Variants in STX18 observed in about 807,000 individuals in gnomAD.
STX18 encodes syntaxin 18, also known as syntaxin-18.
In STX18, 40 loss-of-function variants were observed where a neutral mutation model predicts 50.1. That is an observed-to-expected ratio of 0.80 (90% confidence interval 0.62 to 1.04). The LOEUF (loss-of-function observed/expected upper bound fraction) is 1.04. Ranked by LOEUF, STX18 falls within the 50% of genes least tolerant of loss-of-function variation. The probability of loss-of-function intolerance (pLI) is 0.00; values close to 1 mark genes in which losing one functional copy is unlikely to be tolerated. For missense variants in STX18, 410 were observed against 415.8 expected, an observed-to-expected ratio of 0.99 and a Z score of 0.12; for synonymous variants, 158 against 151.8, an observed-to-expected ratio of 1.04 and a Z score of -0.30.
chr4:4,477,029 G>A (rs1325619196), intron 1 of STX18, among the ~76,000 whole-genome samples: 8 of 151,680 alleles, frequency 5.3e-5, no homozygotes, highest in South Asian at 2.1e-4. Context: ...GCGAAACCCC[G>A]TCTCTATTAA....
At chr4:4,503,663 T>C (rs917304867) in intron 1 of STX18, among the ~76,000 whole-genome samples, 1 of 151,962 alleles carries the variant, frequency 6.6e-6, no homozygotes, top group Admixed American at 6.5e-5. Context: ...ATTACTGAAA[T>C]AAAAATTTTA....
intron 7 of STX18, among the ~76,000 whole-genome samples, chr4:4,429,023 A>T (rs1725396237): frequency 6.6e-6 from 1 of 152,136 alleles, no homozygotes; most frequent in South Asian, 2.1e-4. Context: ...CCAAAACACA[A>T]TGCTTTCCTT....
At chr4:4,476,890 T>C (rs536323439) in intron 1 of STX18, among the ~76,000 whole-genome samples, 19 of 152,216 alleles carry the variant, frequency 1.2e-4, no homozygotes, top group African/African-American at 4.3e-4. Flanking sequence ...AAATTTTCCA[T>C]AATAACATGT....
chr4:4,432,781 G>A (rs151318839), intron 7 of STX18, among the ~76,000 whole-genome samples: 50 of 152,330 alleles, frequency 3.3e-4, no homozygotes, highest in African/African-American at 9.4e-4. Flanking sequence ...TTTGGTTTCC[G>A]TCTTTTATTT....
At chr4:4,438,791 A>C (rs1022836564) in intron 5 of STX18, among the ~76,000 whole-genome samples, 1 of 151,946 alleles carries the variant, frequency 6.6e-6, no homozygotes, top group Non-Finnish European at 1.5e-5. Context: ...TGTGCTGAAT[A>C]CGCTCCATAG....
rs547930857 is a variant in STX18 at position 4,466,606 on chromosome 4, G to A, written c.236+5033C>T. 3.9e-4 allele frequency among the ~76,000 whole-genome samples: 59 copies of A among 152,294 alleles called. 1 individual carries two copies. Among genetic ancestry groups the A allele is most frequent in the Admixed American group, 3.2e-3 (49 of 15,296 alleles). On this transcript the variant is annotated intron_variant, in intron 2 of 10. Transcript: ENST00000306200. ...AGGCTGCACTGAAGCACTCTAGAGC[G>A]GATGGGAGGAGCGGGCAGCATGCAT...
At chr4:4,434,068 C>G (rs1725654573) in intron 7 of STX18, among the ~76,000 whole-genome samples, 1 of 152,248 alleles carries the variant, frequency 6.6e-6, no homozygotes, top group Non-Finnish European at 1.5e-5. Context: ...ACTTAAAATG[C>G]TATCACTTGC....
Position 4,420,141 on chromosome 4 carries a change from C to A in STX18, c.913-12G>T. 5.0e-6 allele frequency: 8 copies of A among 1,601,964 alleles called. No individual in the cohort carries two copies. Among genetic ancestry groups the A allele is most frequent in the Non-Finnish European group, 6.8e-6 (8 of 1,174,364 alleles). The stretch of plus-strand genomic sequence containing the variant: ...TTGTTTTTAATGGCCTGGGCAGGGA[C>A]GGGAGCACAGGTGTTTTTATCACAC... On this transcript the variant is annotated splice_polypyrimidine_tract_variant and intron_variant, in intron 10 of 10. Transcript: ENST00000306200. The surrounding 1 kb of genome is among the most constrained non-coding windows in gnomAD (Gnocchi z 4.3).
At chr4:4,421,267 A>T (rs1724944482) in intron 9 of STX18, among the ~76,000 whole-genome samples, 1 of 152,026 alleles carries the variant, frequency 6.6e-6, no homozygotes, top group African/African-American at 2.4e-5. Flanking sequence ...CGGCTCAGAG[A>T]AGTTTACTAA....
rs372566368 is a variant in STX18 at position 4,527,867 on chromosome 4, C to CACATATATATATAT, written c.168+13929_168+13930insATATATATATATGT. Among the ~76,000 whole-genome samples the CACATATATATATAT allele has an allele frequency of 3.7e-3, 501 of 137,196 alleles. 4 individuals are homozygous for CACATATATATATAT. Among genetic ancestry groups the CACATATATATATAT allele is most frequent in the African/African-American group, 0.012 (469 of 37,860 alleles). The allele number at this position is 137,196 out of a possible 152,430, so 90.0% of individuals were successfully genotyped here. ...ATATATATATACACACACACACACACATATATATATATATTAAAAACTACC... is the reference window on the plus strand; with the variant it reads ...ATATATATATACACACACACACACACACATATATATATATATATATATATATATTAAAAACTACC... On this transcript the variant is annotated intron_variant, in intron 1 of 10. Coordinates refer to ENST00000306200, the MANE Select transcript of STX18 (RefSeq NM_016930.4).
Position 4,420,302 on chromosome 4 carries a change from G to A in STX18, c.913-173C>T. The A allele has an allele frequency of 3.4e-6, 2 of 593,656 alleles. No homozygotes were observed. The highest frequency in any genetic ancestry group is 4.1e-5 in the South Asian group (2 of 49,336). 36.8% of individuals were successfully genotyped at this position (593,656 alleles called of 1,614,324 possible). On this transcript the variant is annotated intron_variant, in intron 10 of 10. Coordinates refer to ENST00000306200, the MANE Select transcript of STX18 (RefSeq NM_016930.4). The surrounding 1 kb of genome is among the most constrained non-coding windows in gnomAD (Gnocchi z 4.3). ...TTTTGAGATCCACCAGAAGACAAAT[G>A]GGTTATATTTCCCTCTGTTTGGCCA...
intron 1 of STX18, among the ~76,000 whole-genome samples, chr4:4,476,950 A>C (rs1489302577): frequency 6.6e-6 from 1 of 152,216 alleles, no homozygotes; most frequent in African/African-American, 2.4e-5. Flanking sequence ...CTGTAATCCC[A>C]GCACTTTGGG....
At chr4:4,424,299 T>C (rs1725127355) in intron 8 of STX18, among the ~76,000 whole-genome samples, 1 of 151,844 alleles carries the variant, frequency 6.6e-6, no homozygotes, top group African/African-American at 2.4e-5. Flanking sequence ...CGACAGGAAG[T>C]GACAGGAGGC....
chr4:4,510,501 A>G (rs560748962), intron 1 of STX18, among the ~76,000 whole-genome samples: 1 of 152,258 alleles, frequency 6.6e-6, no homozygotes, highest in African/African-American at 2.4e-5. Context: ...AAGTCAGGAA[A>G]CAGAGATGCT....
chr4:4,464,854 G>A (rs1727544303), intron 2 of STX18, among the ~76,000 whole-genome samples: 1 of 150,280 alleles, frequency 6.7e-6, no homozygotes, highest in Non-Finnish European at 1.5e-5. Flanking sequence ...GCAAAAACCT[G>A]GATTTTTCCA....
At chr4:4,502,562 AT>A (rs1729505278) in intron 1 of STX18, among the ~76,000 whole-genome samples, 1 of 152,134 alleles carries the variant, frequency 6.6e-6, no homozygotes, top group African/African-American at 2.4e-5. Flanking sequence ...TTTTCCCTGT[AT>A]TCATTATCAG....
chr4:4,485,231 C>T (rs1728648633), intron 1 of STX18, among the ~76,000 whole-genome samples: 2 of 152,206 alleles, frequency 1.3e-5, no homozygotes, highest in African/African-American at 4.8e-5. Flanking sequence ...CTACAGGTCA[C>T]TGATGAAAAT....
intron 5 of STX18, among the ~76,000 whole-genome samples, chr4:4,456,301 CCAAA>C (rs1727067058): frequency 6.6e-6 from 1 of 152,050 alleles, no homozygotes; most frequent in Non-Finnish European, 1.5e-5. Context: ...AAATGTGTCC[CCAAA>C]CAGTTATGTG....
intron 5 of STX18, among the ~76,000 whole-genome samples, chr4:4,455,331 A>G (rs1283097602): frequency 2.0e-5 from 3 of 152,256 alleles, no homozygotes; most frequent in Non-Finnish European, 2.9e-5. Context: ...AGTGCATTAT[A>G]TAATAGTAGC....
Sources: gnomAD v4.1 joint callset for allele counts (sites outside exome capture counted in the v4.1 genomes callset) on GRCh38, gnomAD v4.1.1 for gene constraint, Gnocchi (gnomAD v3.1) non-coding constraint, MANE v1.5 for transcripts, NCBI Gene and HGNC (gene_info 2026-07-23, HGNC 2026-07-21) for gene names.